HMCN2: variants seen among roughly 807,000 people sequenced by gnomAD.
HMCN2 encodes the protein hemicentin-2.
Under a neutral mutation model 377.5 loss-of-function variants are expected in HMCN2, and 325 were observed. That is an observed-to-expected ratio of 0.86 (90% CI 0.79 to 0.94). HMCN2 has a LOEUF of 0.94. Among genes scored for constraint, HMCN2 ranks in the 40% least tolerant of loss-of-function variants. HMCN2 has a pLI of 0.00. For synonymous variants in HMCN2, 2,007 were observed against 2,046.8 expected, an observed-to-expected ratio of 0.98 and a Z score of 0.53; for missense variants, 4,543 against 4,725.3, an observed-to-expected ratio of 0.96 and a Z score of 1.13.
At chr9:130,276,442 A>G (rs9657643) in intron 1 of HMCN2, among the ~76,000 whole-genome samples, 120,935 of 152,052 alleles carry the variant, frequency 0.8, 48,453 homozygotes, top group East Asian at 0.9. Flanking sequence ...AGGCAGAGGG[A>G]ACAGCAGAAA....
rs777918366 is a variant in HMCN2 at position 130,359,283 on chromosome 9, A to G, written c.5678-36A>G. 2.6e-6 allele frequency: 3 copies of G among 1,170,336 alleles called. No homozygotes were observed. The Middle Eastern group carries it at 6.8e-4, about 266-fold the overall frequency. The allele number at this position is 1,170,336 out of a possible 1,614,324, so 72.5% of individuals were successfully genotyped here. ...GGGATTAGAGCTGCCCAGAGCTTGC[A>G]CCTACCAAGCTGGGTCTCTCCTTGT... On this transcript the variant is annotated intron_variant, in intron 36 of 97. Coordinates refer to ENST00000683500, the MANE Select transcript of HMCN2 (RefSeq NM_001291815.2).
Position 130,432,518 on chromosome 9 carries a change from C to T in HMCN2, c.14857C>T (p.Pro4953Ser), listed in dbSNP as rs1844822262. 1.9e-6 allele frequency: 3 copies of T among 1,550,546 alleles called. No homozygotes were observed. Among genetic ancestry groups the T allele is most frequent in the South Asian group, 2.4e-5 (2 of 84,070 alleles). The change falls in exon 97 of 98, where the codon CCC becomes TCC. Residue 4953 changes from proline to serine, a missense_variant. Pro to Ser is a moderately conservative substitution (Grantham distance 74). This residue lies in a region of HMCN2 where 1,155 missense variants were observed against 1,157.7 expected (regional missense o/e 1.00). Coordinates refer to ENST00000683500, the MANE Select transcript of HMCN2 (RefSeq NM_001291815.2). ...TGGCAGCTACCAGTGTGTGGACACA[C>T]CCTGTCCTGCCACCTACCGGCAGGG... is the stretch of plus-strand genomic sequence containing the variant. ...TRGSYQCVDT[P>S]CPATYRQGPS...
At chr9:130,282,118 A>G (rs1271360817) in intron 1 of HMCN2, among the ~76,000 whole-genome samples, 1 of 152,212 alleles carries the variant, frequency 6.6e-6, no homozygotes, top group Non-Finnish European at 1.5e-5. Context: ...TCAAAGTAGA[A>G]TTTGAGGACC....
chr9:130,345,401 C>G (rs1164298454), intron 25 of HMCN2, among the ~76,000 whole-genome samples: 18 of 96,272 alleles, frequency 1.9e-4, no homozygotes, highest in East Asian at 7.1e-4. Context: ...TGTGTGTGTG[C>G]TGTGTGTGTA....
intron 28 of HMCN2, among the ~76,000 whole-genome samples, 196 bp from the exon 29 acceptor site, chr9:130,349,341 A>G (rs1204119523): frequency 6.6e-6 from 1 of 151,970 alleles, no homozygotes; most frequent in Non-Finnish European, 1.5e-5. Context: ...TTACTGTCAC[A>G]AGTGCTACCA....
Position 130,393,974 on chromosome 9 carries a change from G to A in HMCN2, c.10467G>A (p.Gly3489=), listed in dbSNP as rs80073481. 9.0e-3 allele frequency: 11,464 copies of A among 1,279,208 alleles called. 195 individuals are homozygous for A. The highest frequency in any genetic ancestry group is 0.054 in the South Asian group (4,274 of 79,690). The allele number at this position is 1,279,208 out of a possible 1,614,324, so 79.2% of individuals were successfully genotyped here. ...CCTGTGTGGCCGTGAGCGAGGCGGG[G>A]GAAGCCAGGAGGCATTTCCAGCTGA... The part of the protein sequence containing the change: ...TYSCVAVSEA[G]EARRHFQLTV... Residue 3489 remains glycine (G), a synonymous_variant, in exon 68 of 98, where the codon GGG becomes GGA. Coordinates refer to ENST00000683500, the MANE Select transcript of HMCN2 (RefSeq NM_001291815.2). The surrounding 1 kb of genome is among the most constrained non-coding windows in gnomAD (Gnocchi z 5.2).
Position 130,304,720 on chromosome 9 carries a change from G to T in HMCN2, c.1544-10G>T. ...GCTCCTTGGTTCCTCCTGTGCTCAT[G>T]TCCCTGCAGACCCCCCGCCGCAGCT... On this transcript the variant is annotated splice_polypyrimidine_tract_variant and intron_variant, in intron 10 of 97. Transcript: ENST00000683500. This position sits in a 1 kb window ranked among gnomAD's most constrained non-coding sequence, Gnocchi z 4.3. 1 of 459,062 alleles carries T rather than the reference G, an allele frequency of 2.2e-6. No homozygotes were observed. The allele number at this position is 459,062 out of a possible 1,614,324, so 28.4% of individuals were successfully genotyped here. A position where few individuals can be genotyped will look rare whatever the true frequency, so the allele number is the denominator to read the frequency against.
chr9:130,429,302 G>C, intron 93 of HMCN2: 1 of 537,766 alleles, frequency 1.9e-6, no homozygotes, highest in South Asian at 2.4e-5. Context: ...AGAATATGGA[G>C]AGCTCAGCGG....
chr9:130,290,845 A>G (rs1299200754), intron 4 of HMCN2, among the ~76,000 whole-genome samples: 1 of 146,008 alleles, frequency 6.8e-6, no homozygotes, highest in African/African-American at 2.6e-5. Context: ...CTAGGCACAT[A>G]TCTTCTAGCT....
intron 53 of HMCN2, among the ~76,000 whole-genome samples, 157 bp from the exon 54 acceptor site, chr9:130,379,092 T>C (rs907254395): frequency 2.6e-5 from 4 of 152,066 alleles, no homozygotes; most frequent in African/African-American, 9.7e-5. Flanking sequence ...AACACCGGTT[T>C]AGGGAGTGAG....
In HMCN2 at chr9:130,285,191, G is replaced by A; in HGVS notation, c.364G>A (p.Ala122Thr). The change falls in exon 3 of 98, where the codon GCC becomes ACC. Residue 122 changes from alanine to threonine, a missense_variant. Transcript: ENST00000683500. ...TGACTGCCCGGAGATGAGTGTGGGG[G>A]CCATTAAGGCTGCCGTGGAGGTTGC... ...GGDCPEMSVG[A>T]IKAAVEVANP... 4.2e-6 allele frequency: 2 copies of A among 471,136 alleles called. No homozygotes were observed. Among genetic ancestry groups the A allele is most frequent in the Middle Eastern group, 6.5e-4 (2 of 3,078 alleles). The allele number at this position is 471,136 out of a possible 1,614,324, so 29.2% of individuals were successfully genotyped here. A position where few individuals can be genotyped will look rare whatever the true frequency, so the allele number is the denominator to read the frequency against.
intron 27 of HMCN2, 112 bp from the exon 28 acceptor site, chr9:130,348,872 T>C (rs1249313390): frequency 8.3e-7 from 1 of 1,210,034 alleles, no homozygotes; most frequent in Non-Finnish European, 1.1e-6. Context: ...GCAGAGAGCA[T>C]GGCACCGTTC....
chr9:130,389,578 CT>C (rs10706411), intron 62 of HMCN2, among the ~76,000 whole-genome samples: 49,319 of 144,902 alleles, frequency 0.34, 9,226 homozygotes, highest in African/African-American at 0.54. Flanking sequence ...GTACTTCATT[CT>C]TTTTTTTTTT....
chr9:130,404,052 C>T (rs934796829), intron 80 of HMCN2, among the ~76,000 whole-genome samples, 177 bp downstream of exon 80: 3 of 152,208 alleles, frequency 2.0e-5, no homozygotes, highest in African/African-American at 7.2e-5. Flanking sequence ...ATTCCCATCC[C>T]CTCTGCCTTC....
At chr9:130,288,816 G>T (rs782808814) in intron 4 of HMCN2, among the ~76,000 whole-genome samples, 1 of 152,192 alleles carries the variant, frequency 6.6e-6, no homozygotes, top group Non-Finnish European at 1.5e-5. Flanking sequence ...ATCACCCCTT[G>T]GGGTTGCAGG....
chr9:130,337,154 G>A (rs1471175890), intron 22 of HMCN2, among the ~76,000 whole-genome samples: 1 of 152,206 alleles, frequency 6.6e-6, no homozygotes, highest in Non-Finnish European at 1.5e-5. Context: ...CATCATGTCT[G>A]CAGGGGGCCC....
In HMCN2 at chr9:130,393,728, T is replaced by C. The variant is rs915615463; in HGVS notation, c.10235-14T>C. Reference sequence around the variant, plus strand: ...GAATAAAATGGTTCCTGCCCACCTTTCTGCCCTCCATAGTGCCCCCTGTCC... The same window carrying C: ...GAATAAAATGGTTCCTGCCCACCTTCCTGCCCTCCATAGTGCCCCCTGTCC... On this transcript the variant is annotated splice_polypyrimidine_tract_variant and intron_variant, in intron 67 of 97. Coordinates refer to ENST00000683500, the MANE Select transcript of HMCN2 (RefSeq NM_001291815.2). The surrounding 1 kb of genome is among the most constrained non-coding windows in gnomAD (Gnocchi z 5.2). 6.5e-6 allele frequency: 8 copies of C among 1,223,652 alleles called. No individual in the cohort carries two copies. Among genetic ancestry groups the C allele is most frequent in the Non-Finnish European group, 8.4e-6 (8 of 957,714 alleles). 75.8% of individuals were successfully genotyped at this position (1,223,652 alleles called of 1,614,324 possible).
chr9:130,399,031 T>G (rs556351338), intron 75 of HMCN2, among the ~76,000 whole-genome samples: 1 of 152,128 alleles, frequency 6.6e-6, no homozygotes, highest in Non-Finnish European at 1.5e-5. Flanking sequence ...GGTGGGAGGA[T>G]TGCTTGAGGC....
At chr9:130,277,789 A>AT (rs1834798310) in intron 1 of HMCN2, among the ~76,000 whole-genome samples, 1 of 114,376 alleles carries the variant, frequency 8.7e-6, no homozygotes, top group Non-Finnish European at 1.9e-5. Context: ...CATCACCACC[A>AT]CCATCATCAT....
Sources: gnomAD v4.1 joint callset for allele counts (sites outside exome capture counted in the v4.1 genomes callset) on GRCh38, gnomAD v4.1.1 for gene constraint, gnomAD v4.1.1 regional missense constraint, Gnocchi (gnomAD v3.1) non-coding constraint, MANE v1.5 for transcripts, NCBI Gene and HGNC (gene_info 2026-07-23, HGNC 2026-07-21) for gene names.